EML6: variants seen among roughly 807,000 people sequenced by gnomAD.
EML6 encodes the protein echinoderm microtubule-associated protein-like 6.
In EML6, 154 loss-of-function variants were observed where a neutral mutation model predicts 240.1. That is an observed-to-expected ratio of 0.64 (90% CI 0.56 to 0.73). The LOEUF is 0.73. Ranked by LOEUF, EML6 falls within the 30% of genes least tolerant of loss-of-function variation. The probability of loss-of-function intolerance (pLI) is 0.00; values close to 1 mark genes in which losing one functional copy is unlikely to be tolerated. For synonymous variants in EML6, 1,148 were observed against 899.0 expected (o/e 1.28, Z -4.95); for missense variants, 2,964 against 2,474.6 (o/e 1.20, Z -4.20).
Position 54,813,578 on chromosome 2 carries a change from C to G in EML6, c.357+187C>G, listed in dbSNP as rs561856600. ...CACTAACACCAAACTCTGGACAGGC[C>G]TTGGTTTTTGTTCCCCTAGTCCCAC... On this transcript the variant is annotated intron_variant, in intron 3 of 41. Coordinates refer to ENST00000356458, the MANE Select transcript of EML6 (RefSeq NM_001039753.4). 5.3e-5 allele frequency among the ~76,000 whole-genome samples: 8 copies of G among 152,292 alleles called. No individual in the cohort carries two copies. In the South Asian group the frequency reaches 1.5e-3, roughly 28 times the overall value.
intron 32 of EML6, among the ~76,000 whole-genome samples, chr2:54,955,087 A>G (rs1435862954): frequency 6.6e-6 from 1 of 152,238 alleles, no homozygotes; most frequent in Non-Finnish European, 1.5e-5. Context: ...ATTTGTAATG[A>G]TACCATATTC....
intron 16 of EML6, among the ~76,000 whole-genome samples, chr2:54,873,305 T>C (rs978790292): frequency 3.9e-5 from 6 of 152,212 alleles, no homozygotes; most frequent in African/African-American, 1.2e-4. Flanking sequence ...ATTATCAAAT[T>C]GGTAAAAATC....
At chr2:54,917,921 G>T (rs999734746) in intron 26 of EML6, among the ~76,000 whole-genome samples, 4 of 152,298 alleles carry the variant, frequency 2.6e-5, no homozygotes, top group African/African-American at 7.2e-5. Context: ...GTTGTAATCT[G>T]ATCAGGTCAG....
chr2:54,860,501 C>T (rs1010287527), intron 12 of EML6, among the ~76,000 whole-genome samples: 1 of 152,262 alleles, frequency 6.6e-6, no homozygotes, highest in South Asian at 2.1e-4. Context: ...GGCAGACACA[C>T]ATTAACCCAG....
intron 11 of EML6, among the ~76,000 whole-genome samples, chr2:54,854,639 G>A (rs975704353): frequency 3.3e-5 from 5 of 152,160 alleles, no homozygotes; most frequent in African/African-American, 1.2e-4. Context: ...GCAAGGAAAG[G>A]GATTGAAAAA....
At position 54,794,978 on chromosome 2, in the gene EML6, G is replaced by A. The variant is rs565546898; in HGVS notation, c.198-18254G>A. Among the ~76,000 whole-genome samples the A allele has an allele frequency of 3.3e-5, 5 of 152,224 alleles. No homozygotes were observed. The East Asian group carries it at 5.8e-4, about 18-fold the overall frequency. On this transcript the variant is annotated intron_variant, in intron 2 of 41. Transcript: ENST00000356458. Reference sequence around the variant, plus strand: ...TTCACTGACCACACTAGGTCCCACCGACCCAGCCTTCTTGAAACTCCTTTA... The same window carrying A: ...TTCACTGACCACACTAGGTCCCACCAACCCAGCCTTCTTGAAACTCCTTTA...
At chr2:54,846,646 G>C in intron 8 of EML6, among the ~76,000 whole-genome samples, 1 of 151,846 alleles carries the variant, frequency 6.6e-6, no homozygotes, top group Admixed American at 6.6e-5. Flanking sequence ...ACCACACCCA[G>C]CTATTTTTAA....
chr2:54,770,482 G>T (rs943631713), intron 2 of EML6, among the ~76,000 whole-genome samples: 5 of 152,142 alleles, frequency 3.3e-5, no homozygotes, highest in African/African-American at 1.2e-4. Context: ...TTGCCCTTTG[G>T]CTTCTGTAAT....
At chr2:54,849,015 T>C (rs1669924557) in intron 9 of EML6, among the ~76,000 whole-genome samples, 1 of 152,236 alleles carries the variant, frequency 6.6e-6, no homozygotes, top group South Asian at 2.1e-4. Flanking sequence ...CTTGATACAG[T>C]CTCCCTTTCT....
At chr2:54,849,067 TGAAACAAA>T (rs1226395567) in intron 9 of EML6, among the ~76,000 whole-genome samples, 2 of 152,144 alleles carry the variant, frequency 1.3e-5, no homozygotes, top group Non-Finnish European at 2.9e-5. Flanking sequence ...CCCCAACTTT[TGAAACAAA>T]AATTTTAGGG....
chr2:54,739,839 A>C (rs1228908978), intron 2 of EML6, among the ~76,000 whole-genome samples: 2 of 152,246 alleles, frequency 1.3e-5, no homozygotes, highest in Non-Finnish European at 2.9e-5. Context: ...CAAGTCTGCA[A>C]GCACTTGAAG....
chr2:54,970,355 T>C lies in EML6; in HGVS notation c.*260T>C, dbSNP rs921298637. 4.2e-6 allele frequency: 2 copies of C among 476,742 alleles called. No homozygotes were observed. Among genetic ancestry groups the C allele is most frequent in the Non-Finnish European group, 3.8e-6 (1 of 264,408 alleles). 29.5% of individuals were successfully genotyped at this position (476,742 alleles called of 1,614,324 possible). ...TGTTCCTGAGACTAAACAGTATACATACTAACTACATTGACAAAGAAATCC... is the reference window on the plus strand; with the variant it reads ...TGTTCCTGAGACTAAACAGTATACACACTAACTACATTGACAAAGAAATCC... On this transcript the variant is annotated 3_prime_UTR_variant, in exon 42 of 42. Coordinates refer to ENST00000356458, the MANE Select transcript of EML6 (RefSeq NM_001039753.4).
In EML6 at chr2:54,746,893, T is replaced by C. The variant is rs540188255; in HGVS notation, c.197+21635T>C. Among the ~76,000 whole-genome samples, 56 of 152,342 alleles carry C rather than the reference T, an allele frequency of 3.7e-4. No homozygotes were observed. In the South Asian group the frequency reaches 0.011, roughly 29 times the overall value. ...GCCACGAGTGATCAGTGATTGGCCA[T>C]AGATGCCACATCAAGGAAGCAGTCA... On this transcript the variant is annotated intron_variant, in intron 2 of 41. Transcript: ENST00000356458.
At chr2:54,731,656 A>G (rs1683173672) in intron 2 of EML6, among the ~76,000 whole-genome samples, 1 of 152,134 alleles carries the variant, frequency 6.6e-6, no homozygotes, top group East Asian at 1.9e-4. Flanking sequence ...TGTTTTGGAA[A>G]ATGTGGTTGC....
intron 2 of EML6, among the ~76,000 whole-genome samples, chr2:54,744,696 G>C (rs550002101): frequency 6.6e-6 from 1 of 152,060 alleles, no homozygotes; most frequent in Non-Finnish European, 1.5e-5. Context: ...TCAGTTAGGG[G>C]AGAGAGGGAC....
intron 2 of EML6, among the ~76,000 whole-genome samples, chr2:54,800,380 A>C (rs1670065556): frequency 6.6e-6 from 1 of 152,198 alleles, no homozygotes; most frequent in Non-Finnish European, 1.5e-5. Flanking sequence ...GCTTGAATTC[A>C]GGAATAAACT....
chr2:54,847,034 A>G (rs1342693672), intron 8 of EML6, among the ~76,000 whole-genome samples: 1 of 150,994 alleles, frequency 6.6e-6, no homozygotes, highest in Admixed American at 6.7e-5. Context: ...GTGCCCCCCA[A>G]GTAGCTGGGG....
At chr2:54,933,286 T>G (rs1441621431) in intron 28 of EML6, among the ~76,000 whole-genome samples, 1 of 152,192 alleles carries the variant, frequency 6.6e-6, no homozygotes, top group African/African-American at 2.4e-5. Context: ...TTGGAAATAG[T>G]CACCTGCCAC....
rs147785699 is a variant in EML6 at position 54,917,358 on chromosome 2, GTTTTTTTTTTT to G, written c.3675+430_3675+440del. On this transcript the variant is annotated intron_variant, in intron 26 of 41. Coordinates refer to ENST00000356458, the MANE Select transcript of EML6 (RefSeq NM_001039753.4). ...ATTCTCTTCTTCCCTTTTTTTTTTT[GTTTTTTTTTTT>G]TTTTTTGTTTTTTGAGACGGAGTTT... is the stretch of plus-strand genomic sequence containing the variant. 3.2e-5 allele frequency among the ~76,000 whole-genome samples: 4 copies of G among 123,822 alleles called. No individual in the cohort carries two copies. In the Admixed American group the frequency reaches 3.5e-4, roughly 11 times the overall value. The allele number at this position is 123,822 out of a possible 152,430, so 81.2% of individuals were successfully genotyped here. A position where few individuals can be genotyped will look rare whatever the true frequency, so the allele number is the denominator to read the frequency against.
Sources: allele counts gnomAD v4.1 joint callset (sites outside exome capture counted in the v4.1 genomes callset), GRCh38; gene constraint gnomAD v4.1.1; transcripts MANE v1.5; gene names NCBI Gene and HGNC (gene_info 2026-07-23, HGNC 2026-07-21).